The following IGFL4 variants were observed in gnomAD, a reference collection of about 807,000 sequenced individuals.
IGFL4 encodes the protein insulin growth factor-like family member 4.
In IGFL4, 12 loss-of-function variants were observed where a neutral mutation model predicts 15.4. The observed-to-expected ratio is 0.78, with a 90% confidence interval of 0.50 to 1.26. The LOEUF (loss-of-function observed/expected upper bound fraction) is 1.26, where lower values mean the gene tolerates loss of function less well. Among genes scored for constraint, IGFL4 ranks in the 50% most tolerant of loss-of-function variants. The pLI is 0.00. For synonymous variants in IGFL4, 54 were observed against 55.9 expected, an observed-to-expected ratio of 0.97 and a Z score of 0.16; for missense variants, 126 against 147.8, an observed-to-expected ratio of 0.85 and a Z score of 0.76.
chr19:46,066,060 C>T (rs896487771), intron 1 of IGFL4, among the ~76,000 whole-genome samples: 3 of 152,182 alleles, frequency 2.0e-5, no homozygotes, highest in Non-Finnish European at 2.9e-5. Flanking sequence ...ATGGCCCTCT[C>T]AGCCAGGTGA....
Position 46,040,655 on chromosome 19 carries a change from G to T in IGFL4, c.20-87C>A. ...AGGATGATGTCTCTGAGCTTCTCTG[G>T]TTGCTGTTAACAGCTCAGAGTGGAT... On this transcript the variant is annotated intron_variant, in intron 1 of 3. Coordinates refer to ENST00000377697, the MANE Select transcript of IGFL4 (RefSeq NM_001002923.3). This position sits in a 1 kb window ranked among gnomAD's most constrained non-coding sequence, Gnocchi z 4.1. 2 of 1,471,232 alleles carry T rather than the reference G, an allele frequency of 1.4e-6. No homozygotes were observed. Among genetic ancestry groups the T allele is most frequent in the East Asian group, 2.3e-5 (1 of 43,070 alleles). 91.1% of individuals were successfully genotyped at this position (1,471,232 alleles called of 1,614,324 possible).
chr19:46,039,884 A>T lies in IGFL4; in HGVS notation c.*8T>A, dbSNP rs200290853. 6.2e-7 allele frequency: 1 copy of T among 1,606,764 alleles called. No homozygotes were observed. Among genetic ancestry groups the T allele is most frequent in the Admixed American group, 1.7e-5 (1 of 60,018 alleles). On this transcript the variant is annotated 3_prime_UTR_variant, in exon 4 of 4. Transcript: ENST00000377697. ...GAGTGATCTGTGACTCTGCTACCCC[A>T]GAACAGTCTAGATGAGGTCAGATCT...
chr19:46,068,132 C>G (rs1274280353), intron 1 of IGFL4, among the ~76,000 whole-genome samples: 1 of 152,228 alleles, frequency 6.6e-6, no homozygotes, highest in Non-Finnish European at 1.5e-5. Flanking sequence ...GGACCCTGCT[C>G]TGTTCTCCAT....
Position 46,040,136 on chromosome 19 carries a change from G to T in IGFL4, c.330+21C>A. 1 of 1,612,278 alleles carries T rather than the reference G, an allele frequency of 6.2e-7. No individual in the cohort carries two copies. Among genetic ancestry groups the T allele is most frequent in the Non-Finnish European group, 8.5e-7 (1 of 1,179,224 alleles). On this transcript the variant is annotated intron_variant, in intron 3 of 3. Coordinates refer to ENST00000377697, the MANE Select transcript of IGFL4 (RefSeq NM_001002923.3). The surrounding 1 kb of genome is among the most constrained non-coding windows in gnomAD (Gnocchi z 4.1). ...TCCCTACTCCCCCCTCCCACAGCCT[G>T]GACTGGAGTCAGATCCTTACCTGGG...
Position 46,040,360 on chromosome 19 carries a change from G to A in IGFL4, c.127C>T (p.Pro43Ser). 6 of 1,614,186 alleles carry A rather than the reference G, an allele frequency of 3.7e-6. No homozygotes were observed. The highest frequency in any genetic ancestry group is 5.1e-6 in the Non-Finnish European group (6 of 1,180,026). The change falls in exon 3 of 4, where the codon CCC becomes TCC. Residue 43 changes from proline (P) to serine (S), a missense_variant. By Grantham distance (74) the Pro-to-Ser change is moderately conservative (BLOSUM62 -1). Coordinates refer to ENST00000377697, the MANE Select transcript of IGFL4 (RefSeq NM_001002923.3). This position sits in a 1 kb window ranked among gnomAD's most constrained non-coding sequence, Gnocchi z 4.1. ...CCGTCATCACAGCACTGCTCCAAGG[G>A]GTTGTAGGTCCACTCCCCGCACCTG... ...APRCGEWTYN[P>S]LEQCCDDGVI...
chr19:46,053,433 T>G (rs1969366500), intron 2 of IGFL4, among the ~76,000 whole-genome samples: 1 of 152,144 alleles, frequency 6.6e-6, no homozygotes, highest in South Asian at 2.1e-4. Flanking sequence ...CAGGGTGGTC[T>G]GGAACTCCTG....
In IGFL4 at chr19:46,040,589, G is replaced by C; in HGVS notation, c.20-21C>G. On this transcript the variant is annotated intron_variant, in intron 1 of 3. Transcript: ENST00000377697. The surrounding 1 kb of genome is among the most constrained non-coding windows in gnomAD (Gnocchi z 4.1). Reference sequence around the variant, plus strand: ...GGCAGCTGAGAAGCAGAAGGAGAGCGAGAATGATTCTGAGGTCACTAGGTC... The same window carrying C: ...GGCAGCTGAGAAGCAGAAGGAGAGCCAGAATGATTCTGAGGTCACTAGGTC... The C allele has an allele frequency of 6.2e-7, 1 of 1,613,660 alleles. No homozygotes were observed. The highest frequency in any genetic ancestry group is 8.5e-7 in the Non-Finnish European group (1 of 1,179,844).
chr19:46,040,292 G>C lies in IGFL4; in HGVS notation c.195C>G (p.Ser65Arg), dbSNP rs376003284. ...GCTGGAAGCAGGGCCAGAAGGTGCA[G>C]CTGGAGCCGCAGAGCCGGGTCTGGT... ...DLNQTRLCGS[S>R]CTFWPCFQHC... Residue 65 changes from serine to arginine, a missense_variant, in exon 3 of 4, where the codon AGC (serine) becomes AGG (arginine). Coordinates refer to ENST00000377697, the MANE Select transcript of IGFL4 (RefSeq NM_001002923.3). The surrounding 1 kb of genome is among the most constrained non-coding windows in gnomAD (Gnocchi z 4.1). 11 of 1,614,180 alleles carry C rather than the reference G, an allele frequency of 6.8e-6. No individual in the cohort carries two copies. Among genetic ancestry groups the C allele is most frequent in the Middle Eastern group, 1.7e-4 (1 of 6,052 alleles).
intron 1 of IGFL4, among the ~76,000 whole-genome samples, chr19:46,069,973 CCAAACACTT>C (rs1169337582): frequency 5.3e-5 from 8 of 152,146 alleles, no homozygotes; most frequent in Non-Finnish European, 8.8e-5. Context: ...TGCACTGACT[CCAAACACTT>C]CAAACAAGAC....
chr19:46,057,170 G>C (rs1969400588), intron 2 of IGFL4, among the ~76,000 whole-genome samples: 1 of 152,120 alleles, frequency 6.6e-6, no homozygotes. Flanking sequence ...TAAAAACCTT[G>C]AGACTTAAAT....
Position 46,039,867 on chromosome 19 carries a change from T to C in IGFL4, c.*25A>G. The stretch of plus-strand genomic sequence containing the variant: ...CCAAGTATTAGATTCTAGAGTGATC[T>C]GTGACTCTGCTACCCCAGAACAGTC... On this transcript the variant is annotated 3_prime_UTR_variant, in exon 4 of 4. Transcript: ENST00000377697. 6.3e-7 allele frequency: 1 copy of C among 1,581,862 alleles called. No homozygotes were observed. The highest frequency in any genetic ancestry group is 8.7e-7 in the Non-Finnish European group (1 of 1,150,710).
upstream of IGFL4, among the ~76,000 whole-genome samples, chr19:46,041,583 C>T (rs1025409510): frequency 2.2e-4 from 34 of 151,166 alleles, no homozygotes; most frequent in African/African-American, 7.8e-4. Context: ...GATAGGAAAG[C>T]AGCACCTTTT....
chr19:46,049,807 C>T (rs1351600343), intron 2 of IGFL4, among the ~76,000 whole-genome samples: 2 of 152,174 alleles, frequency 1.3e-5, no homozygotes, highest in East Asian at 3.9e-4. Context: ...CCCCACACAA[C>T]CACAGCTGAC....
upstream of IGFL4, among the ~76,000 whole-genome samples, chr19:46,041,806 C>CT (rs1488329993): frequency 6.7e-6 from 1 of 148,608 alleles, no homozygotes. Context: ...TATAGACTCT[C>CT]TAGAGTCTCT....
intron 1 of IGFL4, among the ~76,000 whole-genome samples, chr19:46,071,126 A>G (rs1474171222): frequency 2.0e-5 from 3 of 149,982 alleles, no homozygotes. Context: ...CTCAAAAGAC[A>G]TGATCCTGTT....
At chr19:46,043,811 G>C (rs1290700174), upstream of IGFL4, among the ~76,000 whole-genome samples, 1 of 151,924 alleles carries the variant, frequency 6.6e-6, no homozygotes, top group Admixed American at 6.6e-5. Flanking sequence ...GATATAAAAA[G>C]TTAAACTATA....
chr19:46,047,840 G>A (rs1969310939), intron 2 of IGFL4, among the ~76,000 whole-genome samples: 1 of 152,062 alleles, frequency 6.6e-6, no homozygotes, highest in Admixed American at 6.5e-5. Flanking sequence ...TCTACCAGAA[G>A]TACAAAGATC....
Position 46,039,809 on chromosome 19 carries a change from C to A in IGFL4, c.*83G>T. 1 of 1,256,042 alleles carries A rather than the reference C, an allele frequency of 8.0e-7. No homozygotes were observed. The highest frequency in any genetic ancestry group is 1.2e-5 in the South Asian group (1 of 83,808). 77.8% of individuals were successfully genotyped at this position (1,256,042 alleles called of 1,614,324 possible). A position where few individuals can be genotyped will look rare whatever the true frequency, so the allele number is the denominator to read the frequency against. On this transcript the variant is annotated 3_prime_UTR_variant, in exon 4 of 4. Coordinates refer to ENST00000377697, the MANE Select transcript of IGFL4 (RefSeq NM_001002923.3). ...CCTGGGGGACAGAGTGAAACTCTGT[C>A]ACAACAACAACAAAATCAATGCAGT...
intron 1 of IGFL4, among the ~76,000 whole-genome samples, chr19:46,061,523 G>T (rs982040944): frequency 6.6e-6 from 1 of 152,166 alleles, no homozygotes; most frequent in African/African-American, 2.4e-5. Flanking sequence ...GGAGCCTTTG[G>T]AGGAACAGGG....
Sources: gnomAD v4.1 joint callset for allele counts (sites outside exome capture counted in the v4.1 genomes callset) on GRCh38, gnomAD v4.1.1 for gene constraint, Gnocchi (gnomAD v3.1) non-coding constraint, MANE v1.5 for transcripts, NCBI Gene and HGNC (gene_info 2026-07-23, HGNC 2026-07-21) for gene names.